The following RPS6KA2 variants were observed in gnomAD, a reference collection of about 807,000 sequenced individuals.
RPS6KA2 encodes ribosomal protein S6 kinase A2.
In RPS6KA2, 42 loss-of-function variants were observed where a neutral mutation model predicts 91.8. That is an observed-to-expected ratio of 0.46 (90% CI 0.36 to 0.59). The LOEUF is 0.59. RPS6KA2 is among the 20% of genes least tolerant of loss of function. The pLI, the probability that RPS6KA2 is intolerant of heterozygous loss-of-function variation, is 0.00. For synonymous variants in RPS6KA2, 414 were observed against 393.6 expected (o/e 1.05, Z -0.61); for missense variants, 798 against 978.5 (o/e 0.82, Z 2.46).
At chr6:166,670,735 G>A (rs541428949) in intron 2 of RPS6KA2, among the ~76,000 whole-genome samples, 2 of 152,314 alleles carry the variant, frequency 1.3e-5, no homozygotes, top group African/African-American at 4.8e-5. Flanking sequence ...CGCAACAATT[G>A]ATAGTTCCTA....
At chr6:166,812,951 A>G (rs1307085091) in intron 2 of RPS6KA2, among the ~76,000 whole-genome samples, 1 of 152,158 alleles carries the variant, frequency 6.6e-6, no homozygotes, top group Non-Finnish European at 1.5e-5. Context: ...TAATGCTAAG[A>G]CAATTCAGAG....
intron 9 of RPS6KA2, 34 bp from the exon 10 acceptor site, chr6:166,488,955 T>C: frequency 6.4e-7 from 1 of 1,566,652 alleles, no homozygotes; most frequent in Non-Finnish European, 8.7e-7. Flanking sequence ...GGATCTATTT[T>C]AGGAGAACAA....
rs1779251947 is a variant in RPS6KA2 at position 166,435,050 on chromosome 6, T to C, written c.1333-2560A>G. Among the ~76,000 whole-genome samples, 1 of 152,188 alleles carries C rather than the reference T, an allele frequency of 6.6e-6. No homozygotes were observed. The highest frequency in any genetic ancestry group is 1.5e-5 in the Non-Finnish European group (1 of 68,036). Reference sequence around the variant, plus strand: ...AAAAATTTTGAACCACAAGAATATATTGTCTATTCAAAATATGAAATAAAG... The same window carrying C: ...AAAAATTTTGAACCACAAGAATATACTGTCTATTCAAAATATGAAATAAAG... On this transcript the variant is annotated intron_variant, in intron 14 of 20. Coordinates refer to ENST00000265678, the MANE Select transcript of RPS6KA2 (RefSeq NM_021135.6). The surrounding 1 kb of genome is among the most constrained non-coding windows in gnomAD (Gnocchi z 4.3).
At chr6:166,617,363 A>T (rs536041023) in intron 1 of RPS6KA2, among the ~76,000 whole-genome samples, 2 of 152,312 alleles carry the variant, frequency 1.3e-5, no homozygotes, top group East Asian at 3.9e-4. Context: ...GCTTTTAAAA[A>T]TTTTTAAGTA....
chr6:166,593,275 C>A lies in RPS6KA2; in HGVS notation c.99+33646G>T, dbSNP rs562806440. 3.3e-5 allele frequency among the ~76,000 whole-genome samples: 5 copies of A among 151,678 alleles called. No homozygotes were observed. In the East Asian group the frequency reaches 5.8e-4, roughly 18 times the overall value. On this transcript the variant is annotated intron_variant, in intron 1 of 20. Transcript: ENST00000265678. Reference sequence around the variant, plus strand: ...AGAAACAGAACAGAATACAACAGAACAAAATAGAATAGAATGAAATAGAAG... The same window carrying A: ...AGAAACAGAACAGAATACAACAGAAAAAAATAGAATAGAATGAAATAGAAG...
chr6:166,576,909 G>A (rs1378438450), intron 1 of RPS6KA2, among the ~76,000 whole-genome samples: 8 of 152,044 alleles, frequency 5.3e-5, no homozygotes, highest in Admixed American at 3.9e-4. Flanking sequence ...AGGCCTAGGA[G>A]AAAATGGTTT....
At chr6:166,638,647 T>C (rs974004985) in intron 2 of RPS6KA2, among the ~76,000 whole-genome samples, 1 of 152,364 alleles carries the variant, frequency 6.6e-6, no homozygotes, top group East Asian at 1.9e-4. Flanking sequence ...TCAGATCCTA[T>C]GACCTGACTT....
At chr6:166,524,796 G>A (rs536991606) in intron 3 of RPS6KA2, among the ~76,000 whole-genome samples, 4 of 152,300 alleles carry the variant, frequency 2.6e-5, no homozygotes, top group Admixed American at 6.5e-5. Context: ...TTTCAGCAGG[G>A]GGACACTGAG....
chr6:166,504,556 T>A lies in RPS6KA2; in HGVS notation c.516A>T (p.Leu172Phe). The change falls in exon 6 of 21, where the codon TTA (leucine) becomes TTT (phenylalanine). Residue 172 changes from leucine (L) to phenylalanine (F), a missense_variant. Leu to Phe is a conservative substitution (Grantham distance 22, BLOSUM62 0). Coordinates refer to ENST00000265678, the MANE Select transcript of RPS6KA2 (RefSeq NM_021135.6). The stretch of plus-strand genomic sequence containing the variant: ...TGATCCCCAGGCTGTGGAGATGGTC[T>A]AAAGCCAAGGCCAGCTCAGCCAGGT... ...KFYLAELALA[L>F]DHLHSLGIIY... is the part of the protein sequence containing the mutation. 1.2e-6 allele frequency: 2 copies of A among 1,613,980 alleles called. No homozygotes were observed. Among genetic ancestry groups the A allele is most frequent in the South Asian group, 2.2e-5 (2 of 91,044 alleles).
intron 1 of RPS6KA2, among the ~76,000 whole-genome samples, chr6:166,583,609 G>A (rs138074093): frequency 8.5e-4 from 130 of 152,300 alleles, no homozygotes; most frequent in African/African-American, 3.0e-3. Context: ...ATGTCTTCAC[G>A]TGACAGTTTG....
intron 1 of RPS6KA2, among the ~76,000 whole-genome samples, chr6:166,561,247 A>C (rs955336062): frequency 6.6e-6 from 1 of 152,088 alleles, no homozygotes; most frequent in African/African-American, 2.4e-5. Flanking sequence ...ATGTGTTGTC[A>C]TCTCCACCCA....
chr6:166,492,360 C>T (rs752693565), intron 8 of RPS6KA2, among the ~76,000 whole-genome samples: 1 of 152,014 alleles, frequency 6.6e-6, no homozygotes, highest in Non-Finnish European at 1.5e-5. Flanking sequence ...TGTAATTAAA[C>T]AGGAAAGGCC....
At chr6:166,457,602 C>A (rs548743053) in intron 12 of RPS6KA2, among the ~76,000 whole-genome samples, 1 of 152,336 alleles carries the variant, frequency 6.6e-6, no homozygotes, top group African/African-American at 2.4e-5. Context: ...AACTGAGCAG[C>A]CGGTGGCATG....
chr6:166,664,827 G>A (rs1198119898), intron 2 of RPS6KA2, among the ~76,000 whole-genome samples: 3 of 152,150 alleles, frequency 2.0e-5, no homozygotes, highest in South Asian at 4.2e-4. Flanking sequence ...ATGATACAAC[G>A]GATGAGGCCC....
rs1474468300 is a variant in RPS6KA2, at chr6:166,666,192, T to C, written c.124-127408A>G. ...AGCAAGGCCTGCCTGGGTCACGGGG[T>C]CTGCCCCATCTAGTGAGTGCTCTGC... On this transcript the variant is annotated intron_variant, in intron 2 of 21. Transcript: ENST00000503859. The surrounding 1 kb of genome is among the most constrained non-coding windows in gnomAD (Gnocchi z 4.0). Among the ~76,000 whole-genome samples the C allele has an allele frequency of 6.6e-6, 1 of 152,140 alleles. No individual in the cohort carries two copies. The highest frequency in any genetic ancestry group is 1.5e-5 in the Non-Finnish European group (1 of 68,028).
rs1451063886 is a variant in RPS6KA2 at position 166,635,280 on chromosome 6, A to G, written c.124-96496T>C. On this transcript the variant is annotated intron_variant, in intron 2 of 21. Transcript: ENST00000503859. The surrounding 1 kb of genome is among the most constrained non-coding windows in gnomAD (Gnocchi z 4.8). ...GTGCCTGCTGCTGTGGGCTGTGCTGAGGCTGGGATCTGAGGGGCTGGGCAC... is the reference window on the plus strand; with the variant it reads ...GTGCCTGCTGCTGTGGGCTGTGCTGGGGCTGGGATCTGAGGGGCTGGGCAC... Among the ~76,000 whole-genome samples the G allele has an allele frequency of 6.6e-6, 1 of 152,164 alleles. No homozygotes were observed. Among genetic ancestry groups the G allele is most frequent in the Non-Finnish European group, 1.5e-5 (1 of 68,018 alleles).
chr6:166,708,041 G>A (rs1392122120), intron 2 of RPS6KA2, among the ~76,000 whole-genome samples: 1 of 152,134 alleles, frequency 6.6e-6, no homozygotes, highest in Non-Finnish European at 1.5e-5. Context: ...ACCACAACTG[G>A]CCTGAGAATA....
At chr6:166,597,835 A>T (rs574689143) in intron 1 of RPS6KA2, among the ~76,000 whole-genome samples, 19 of 152,086 alleles carry the variant, frequency 1.2e-4, no homozygotes, top group Non-Finnish European at 2.6e-4. Context: ...GGCTGGTGAG[A>T]TGCTCTAGAG....
At chr6:166,778,661 G>A (rs1778687941) in intron 2 of RPS6KA2, among the ~76,000 whole-genome samples, 4 of 152,214 alleles carry the variant, frequency 2.6e-5, no homozygotes, top group Admixed American at 2.6e-4. Context: ...AGCTACTCGG[G>A]AGGCTGAGGC....
Sources: gnomAD v4.1 joint callset for allele counts (sites outside exome capture counted in the v4.1 genomes callset) on GRCh38, gnomAD v4.1.1 for gene constraint, Gnocchi (gnomAD v3.1) non-coding constraint, MANE v1.5 for transcripts, NCBI Gene and HGNC (gene_info 2026-07-23, HGNC 2026-07-21) for gene names.